LUZP2: variants seen among roughly 807,000 people sequenced by gnomAD.
LUZP2 encodes the protein leucine zipper protein 2.
Under a neutral mutation model 51.6 loss-of-function variants are expected in LUZP2, and 52 were observed. The ratio of observed to expected loss-of-function variants is 1.01; its 90% CI spans 0.81 to 1.27. The LOEUF (loss-of-function observed/expected upper bound fraction) is 1.27, where lower values mean the gene tolerates loss of function less well. Among genes scored for constraint, LUZP2 ranks in the 50% most tolerant of loss-of-function variants. The probability of loss-of-function intolerance (pLI) is 0.00; values close to 1 mark genes in which losing one functional copy is unlikely to be tolerated. For synonymous variants in LUZP2, 154 were observed against 137.3 expected, an observed-to-expected ratio of 1.12 and a Z score of -0.85; for missense variants, 436 against 395.4, an observed-to-expected ratio of 1.10 and a Z score of -0.87.
intron 9 of LUZP2, among the ~76,000 whole-genome samples, chr11:25,026,325 A>G (rs4503492): frequency 0.58 from 88,016 of 151,810 alleles, 26,631 homozygotes; most frequent in African/African-American, 0.76. Context: ...AATAAGATGA[A>G]AAGCAATCAT....
At chr11:24,984,732 G>T (rs1856144220) in intron 9 of LUZP2, among the ~76,000 whole-genome samples, 1 of 150,980 alleles carries the variant, frequency 6.6e-6, no homozygotes, top group African/African-American at 2.4e-5. Context: ...TCTGCTGAGA[G>T]TCTTCAACGA....
At position 24,878,705 on chromosome 11, in the gene LUZP2, G is replaced by A. The variant is rs78600541; in HGVS notation, c.397-27286G>A. Among the ~76,000 whole-genome samples, 1,032 of 150,804 alleles carry A rather than the reference G, an allele frequency of 6.8e-3. 15 individuals carry two copies. Among genetic ancestry groups the A allele is most frequent in the East Asian group, 0.058 (294 of 5,086 alleles). ...TGTGCAGAAAGTACAGGTTTTTTAC[G>A]TAGGTATACCTGTGCCATGGCGCTT... On this transcript the variant is annotated intron_variant, in intron 5 of 11. Transcript: ENST00000336930.
In LUZP2 at chr11:24,711,328, C is replaced by T. The variant is rs369054019; in HGVS notation, c.63-17841C>T. 6.6e-3 allele frequency among the ~76,000 whole-genome samples: 1,007 copies of T among 152,056 alleles called. 9 individuals carry two copies. The highest frequency in any genetic ancestry group is 0.02 in the African/African-American group (844 of 41,504). On this transcript the variant is annotated intron_variant, in intron 1 of 11. Coordinates refer to ENST00000336930, the MANE Select transcript of LUZP2 (RefSeq NM_001009909.4). Reference sequence around the variant, plus strand: ...AGCCGGGTGTGGCGGCGGGTGCCTGCAGTCCCAGCTGCTGGGGAGGCTGAG... The same window carrying T: ...AGCCGGGTGTGGCGGCGGGTGCCTGTAGTCCCAGCTGCTGGGGAGGCTGAG...
At chr11:24,589,298 C>G (rs1853180428) in intron 1 of LUZP2, among the ~76,000 whole-genome samples, 2 of 152,026 alleles carry the variant, frequency 1.3e-5, no homozygotes, top group South Asian at 4.1e-4. Flanking sequence ...GTGTGGTTTC[C>G]CTAGTTACCT....
chr11:24,839,037 G>T (rs921034698), intron 5 of LUZP2, among the ~76,000 whole-genome samples: 3 of 151,712 alleles, frequency 2.0e-5, no homozygotes, highest in East Asian at 1.9e-4. Flanking sequence ...AGCCATATGA[G>T]ATGGTTATAA....
chr11:24,857,280 T>C (rs866390142), intron 5 of LUZP2, among the ~76,000 whole-genome samples: 2 of 94,990 alleles, frequency 2.1e-5, no homozygotes, highest in South Asian at 3.6e-4. Flanking sequence ...GGGATATATA[T>C]ATATATATAC....
At chr11:24,554,541 C>T (rs531239095) in intron 1 of LUZP2, among the ~76,000 whole-genome samples, 71 of 151,940 alleles carry the variant, frequency 4.7e-4, no homozygotes, top group African/African-American at 1.5e-3. Context: ...GAAAATAATG[C>T]GTAATCTCTA....
intron 5 of LUZP2, among the ~76,000 whole-genome samples, chr11:24,893,772 GCACACACACACA>G (rs34127798): frequency 4.0e-5 from 6 of 149,430 alleles, no homozygotes; most frequent in Non-Finnish European, 5.9e-5. Context: ...AAATACACAC[GCACACACACACA>G]CACACACACA....
At chr11:24,569,709 T>C (rs997404316) in intron 1 of LUZP2, among the ~76,000 whole-genome samples, 1 of 152,038 alleles carries the variant, frequency 6.6e-6, no homozygotes, top group African/African-American at 2.4e-5. Flanking sequence ...ATTAATTGCA[T>C]ACATATGCTG....
intron 1 of LUZP2, among the ~76,000 whole-genome samples, chr11:24,680,980 T>A (rs368609246): frequency 0.21 from 31,186 of 148,898 alleles, 3,205 homozygotes; most frequent in East Asian, 0.32. Flanking sequence ...TTTATTTTTT[T>A]TTTTTTTTTT....
At position 24,765,677 on chromosome 11, in the gene LUZP2, G is replaced by T. The variant is rs139179680; in HGVS notation, c.396+2369G>T. ...GAGTCTCACTCTGTTGCCCAGGCTG[G>T]AGTGCCGTGGCTTGATCTCGGCTCA... On this transcript the variant is annotated intron_variant, in intron 5 of 11. Coordinates refer to ENST00000336930, the MANE Select transcript of LUZP2 (RefSeq NM_001009909.4). 8.8e-3 allele frequency among the ~76,000 whole-genome samples: 1,318 copies of T among 149,602 alleles called. 6 individuals carry two copies. The highest frequency in any genetic ancestry group is 0.025 in the Middle Eastern group (7 of 282).
chr11:24,949,528 A>G (rs1000542289), intron 7 of LUZP2, among the ~76,000 whole-genome samples: 1 of 151,636 alleles, frequency 6.6e-6, no homozygotes. Flanking sequence ...CTTAGAATAT[A>G]TGGACTGTGT....
At chr11:24,620,380 A>G (rs1046046465) in intron 1 of LUZP2, among the ~76,000 whole-genome samples, 2 of 152,102 alleles carry the variant, frequency 1.3e-5, no homozygotes, top group African/African-American at 4.8e-5. Flanking sequence ...AAGTTTTGTC[A>G]AGGTATTATA....
chr11:24,659,493 C>T (rs1283729422), intron 1 of LUZP2, among the ~76,000 whole-genome samples: 3 of 151,874 alleles, frequency 2.0e-5, no homozygotes, highest in Admixed American at 1.3e-4. Flanking sequence ...ATGCGTGCAG[C>T]ACACCAACAT....
chr11:24,802,290 T>G (rs1227336719), intron 5 of LUZP2, among the ~76,000 whole-genome samples: 1 of 152,060 alleles, frequency 6.6e-6, no homozygotes, highest in Non-Finnish European at 1.5e-5. Flanking sequence ...TTATCCTGTG[T>G]GTATACTATA....
chr11:24,964,022 C>A (rs1348923588), intron 7 of LUZP2, among the ~76,000 whole-genome samples: 1 of 152,008 alleles, frequency 6.6e-6, no homozygotes, highest in Non-Finnish European at 1.5e-5. Flanking sequence ...GGATAAATGC[C>A]CAGAAGCAGG....
chr11:24,882,930 AAGAAAGAAAG>A (rs1852528110), intron 5 of LUZP2, among the ~76,000 whole-genome samples: 1 of 148,530 alleles, frequency 6.7e-6, no homozygotes, highest in African/African-American at 2.6e-5. Flanking sequence ...GAAAGAACGA[AAGAAAGAAAG>A]AGAAAGAAAG....
At chr11:25,024,362 T>G (rs1857423361) in intron 9 of LUZP2, among the ~76,000 whole-genome samples, 2 of 152,168 alleles carry the variant, frequency 1.3e-5, no homozygotes. Context: ...AAATTGTCCC[T>G]GTTTGCAGAT....
At chr11:24,920,245 A>T (rs1027753879) in intron 7 of LUZP2, among the ~76,000 whole-genome samples, 1 of 152,034 alleles carries the variant, frequency 6.6e-6, no homozygotes, top group African/African-American at 2.4e-5. Flanking sequence ...AAACAATTTT[A>T]AAATACCATG....
Sources: gnomAD v4.1 joint callset for allele counts (sites outside exome capture counted in the v4.1 genomes callset) on GRCh38, gnomAD v4.1.1 for gene constraint, MANE v1.5 for transcripts, NCBI Gene and HGNC (gene_info 2026-07-23, HGNC 2026-07-21) for gene names.